RIMBP2: variants seen among roughly 807,000 people sequenced by gnomAD.
RIMBP2 encodes the protein RIMS-binding protein 2.
Under a neutral mutation model 118.6 loss-of-function variants are expected in RIMBP2, and 48 were observed. The ratio of observed to expected loss-of-function variants is 0.40; its 90% CI spans 0.32 to 0.51. RIMBP2 has a LOEUF of 0.51. RIMBP2 is among the 20% of genes least tolerant of loss of function. RIMBP2 has a pLI of 0.41. For missense variants in RIMBP2, 1,551 were observed against 1,768.3 expected, an observed-to-expected ratio of 0.88 and a Z score of 2.20; for synonymous variants, 762 against 742.9, an observed-to-expected ratio of 1.03 and a Z score of -0.42.
chr12:130,520,952 G>T (rs1291942690), intron 2 of RIMBP2, among the ~76,000 whole-genome samples: 1 of 152,204 alleles, frequency 6.6e-6, no homozygotes, highest in Non-Finnish European at 1.5e-5. Flanking sequence ...GCCCAGAGGT[G>T]GGCATGGGGA....
chr12:130,519,055 G>A (rs2051786250), intron 2 of RIMBP2, among the ~76,000 whole-genome samples: 1 of 152,246 alleles, frequency 6.6e-6, no homozygotes, highest in African/African-American at 2.4e-5. Flanking sequence ...CAGCTGTCAG[G>A]CTGAGAACTT....
rs762175825 is a variant in RIMBP2 at position 130,692,850 on chromosome 12, A to ATAGGGTAGGGTAGGG, written c.-352+23357_-352+23371dup. ...ATGGGATGGGATGGGATGGGATGGGATAGGGTAGGGTAGGGTAGGGTAGGG... is the reference window on the plus strand; with the variant it reads ...ATGGGATGGGATGGGATGGGATGGGATAGGGTAGGGTAGGGTAGGGTAGGGTAGGGTAGGGTAGGG... On this transcript the variant is annotated intron_variant, in intron 1 of 22. Coordinates refer to ENST00000690449, the MANE Select transcript of RIMBP2 (RefSeq NM_001393629.1). 2.2e-4 allele frequency among the ~76,000 whole-genome samples: 18 copies of ATAGGGTAGGGTAGGG among 80,952 alleles called. No homozygotes were observed. In the East Asian group the frequency reaches 2.8e-3, roughly 13 times the overall value. The allele number at this position is 80,952 out of a possible 152,430, so 53.1% of individuals were successfully genotyped here. A position where few individuals can be genotyped will look rare whatever the true frequency, so the allele number is the denominator to read the frequency against.
At chr12:130,437,386 G>GC in intron 12 of RIMBP2, 95 bp from the exon 13 acceptor site, 1 of 1,048,668 alleles carries the variant, frequency 9.5e-7, no homozygotes, top group Non-Finnish European at 1.4e-6. Flanking sequence ...GAGGCCAGGT[G>GC]CAAAGGATCA....
chr12:130,481,692 C>T (rs1053385316), intron 4 of RIMBP2, among the ~76,000 whole-genome samples: 9 of 152,232 alleles, frequency 5.9e-5, no homozygotes, highest in African/African-American at 2.2e-4. Context: ...CCAGTTCACT[C>T]TGGGGCCAGA....
chr12:130,414,222 A>T lies in RIMBP2; in HGVS notation c.3323T>A (p.Ile1108Asn). 1 of 1,614,104 alleles carries T rather than the reference A, an allele frequency of 6.2e-7. No individual in the cohort carries two copies. The highest frequency in any genetic ancestry group is 8.5e-7 in the Non-Finnish European group (1 of 1,180,010). ...GTCGTAGTCAAAGAGAGCCACAAAG[A>T]TCCGGGCCGGGAGCTCTTCGGCACC... ...DPGAEELPAR[I>N]FVALFDYDPL... The change falls in exon 18 of 23, where the codon ATC (isoleucine) becomes AAC (asparagine). Residue 1108 changes from isoleucine (I) to asparagine (N), a missense_variant. By Grantham distance (149) the Ile-to-Asn change is moderately radical. Coordinates refer to ENST00000690449, the MANE Select transcript of RIMBP2 (RefSeq NM_001393629.1).
Position 130,526,569 on chromosome 12 carries a change from G to A in RIMBP2, c.-216-8652C>T, listed in dbSNP as rs959571263. 7.9e-5 allele frequency among the ~76,000 whole-genome samples: 12 copies of A among 152,282 alleles called. No individual in the cohort carries two copies. The South Asian group carries it at 2.5e-3, about 32-fold the overall frequency. On this transcript the variant is annotated intron_variant, in intron 2 of 22. Coordinates refer to ENST00000690449, the MANE Select transcript of RIMBP2 (RefSeq NM_001393629.1). ...CGAGTTTGGGTTTTGAATTTTATTG[G>A]TGTCTTAAAGTTGTTTCTCTTTGAT...
At position 130,490,048 on chromosome 12, in the gene RIMBP2, C is replaced by T. The variant is rs150163730; in HGVS notation, c.-3-11032G>A. Among the ~76,000 whole-genome samples, 1,433 of 143,768 alleles carry T rather than the reference C, an allele frequency of 1.0e-2. 20 individuals carry two copies. Among genetic ancestry groups the T allele is most frequent in the African/African-American group, 0.027 (1,045 of 38,194 alleles). 94.3% of individuals were successfully genotyped at this position (143,768 alleles called of 152,430 possible). A position where few individuals can be genotyped will look rare whatever the true frequency, so the allele number is the denominator to read the frequency against. On this transcript the variant is annotated intron_variant, in intron 4 of 22. Coordinates refer to ENST00000690449, the MANE Select transcript of RIMBP2 (RefSeq NM_001393629.1). Reference sequence around the variant, plus strand: ...CTGAGGCAAGAGAATCGCTTGAACCCGGGAGGCGGAGGTTGCAGTGAGCCG... The same window carrying T: ...CTGAGGCAAGAGAATCGCTTGAACCTGGGAGGCGGAGGTTGCAGTGAGCCG...
chr12:130,411,451 A>C (rs541803045), intron 19 of RIMBP2, among the ~76,000 whole-genome samples: 1 of 152,326 alleles, frequency 6.6e-6, no homozygotes, highest in South Asian at 2.1e-4. Context: ...GATCACATTC[A>C]GCCTTTCACC....
intron 4 of RIMBP2, among the ~76,000 whole-genome samples, chr12:130,489,570 G>A (rs1418312947): frequency 6.6e-6 from 1 of 152,052 alleles, no homozygotes; most frequent in African/African-American, 2.4e-5. Flanking sequence ...GTCTCCTGTA[G>A]AGGCTCCATC....
In RIMBP2 at chr12:130,475,837, G is replaced by A. The variant is rs1395589080; in HGVS notation, c.102+3075C>T. The stretch of plus-strand genomic sequence containing the variant: ...TTTACGGAGCTCAAGGAGTTCAGCA[G>A]AAGTGCAGGTGTTGGTGAGGACAGA... On this transcript the variant is annotated intron_variant, in intron 5 of 22. Coordinates refer to ENST00000690449, the MANE Select transcript of RIMBP2 (RefSeq NM_001393629.1). The surrounding 1 kb of genome is among the most constrained non-coding windows in gnomAD (Gnocchi z 4.1). 6.6e-6 allele frequency among the ~76,000 whole-genome samples: 1 copy of A among 152,126 alleles called. No homozygotes were observed. The highest frequency in any genetic ancestry group is 2.4e-5 in the African/African-American group (1 of 41,434).
At chr12:130,476,144 T>C (rs2081404703) in intron 5 of RIMBP2, among the ~76,000 whole-genome samples, 1 of 152,088 alleles carries the variant, frequency 6.6e-6, no homozygotes, top group Non-Finnish European at 1.5e-5. Context: ...GTGGTATCCT[T>C]GGAGGCCATA....
intron 2 of RIMBP2, among the ~76,000 whole-genome samples, chr12:130,594,060 C>T (rs977671066): frequency 2.0e-5 from 3 of 152,208 alleles, no homozygotes; most frequent in Admixed American, 1.3e-4. Flanking sequence ...TTTCCTTTTA[C>T]CCTCCTAACA....
rs2080192761 is a variant in RIMBP2, at chr12:130,463,555, G to T, written c.154-6855C>A. Among the ~76,000 whole-genome samples the T allele has an allele frequency of 2.0e-5, 3 of 152,194 alleles. No individual in the cohort carries two copies. The South Asian group carries it at 6.2e-4, about 31-fold the overall frequency. On this transcript the variant is annotated intron_variant, in intron 6 of 22. Transcript: ENST00000690449. The stretch of plus-strand genomic sequence containing the variant: ...GGCTTCCCGGCCTCTGTGAAGAGGG[G>T]TGATAAGCAGGCGCTGTGCTGGCGG...
chr12:130,567,620 C>A (rs957566981), intron 2 of RIMBP2, among the ~76,000 whole-genome samples: 2 of 152,136 alleles, frequency 1.3e-5, no homozygotes, highest in African/African-American at 4.8e-5. Context: ...TGGGAAGGGG[C>A]AGCAGGTTCC....
At position 130,399,811 on chromosome 12, in the gene RIMBP2, C is replaced by T. The variant is rs2074355344; in HGVS notation, c.3768G>A (p.Gly1256=). ...GEIDEDGFYY[G]ELNGQKGLVP... ...CAAGGCCTTTCTGCCCATTCAGCTC[C>T]CCCTAAAACACCAGGGGTGAGGCAG... The change falls in exon 22 of 23, where the codon GGG becomes GGA. Residue 1256 remains glycine (G), a splice_region_variant and synonymous_variant. Transcript: ENST00000690449. 3.1e-6 allele frequency: 5 copies of T among 1,614,094 alleles called. No homozygotes were observed. Among genetic ancestry groups the T allele is most frequent in the Non-Finnish European group, 4.2e-6 (5 of 1,179,988 alleles).
At chr12:130,480,967 C>T (rs897731272) in intron 4 of RIMBP2, among the ~76,000 whole-genome samples, 4 of 152,218 alleles carry the variant, frequency 2.6e-5, no homozygotes, top group African/African-American at 7.2e-5. Context: ...GTCATGAGGT[C>T]GGACACACGC....
rs1281632322 is a variant in RIMBP2 at position 130,475,048 on chromosome 12, T to C, written c.102+3864A>G. Reference sequence around the variant, plus strand: ...TGAGGTTACCAGCAGACAGCGTGGGTCCTGGCTTGGCTGCCTTTTGCCTTT... The same window carrying C: ...TGAGGTTACCAGCAGACAGCGTGGGCCCTGGCTTGGCTGCCTTTTGCCTTT... On this transcript the variant is annotated intron_variant, in intron 5 of 22. Coordinates refer to ENST00000690449, the MANE Select transcript of RIMBP2 (RefSeq NM_001393629.1). The surrounding 1 kb of genome is among the most constrained non-coding windows in gnomAD (Gnocchi z 4.1). 5.3e-5 allele frequency among the ~76,000 whole-genome samples: 8 copies of C among 152,200 alleles called. No homozygotes were observed. The highest frequency in any genetic ancestry group is 3.9e-4 in the Admixed American group (6 of 15,280).
intron 2 of RIMBP2, among the ~76,000 whole-genome samples, chr12:130,535,580 T>C (rs1390088338): frequency 6.6e-6 from 1 of 151,674 alleles, no homozygotes; most frequent in Non-Finnish European, 1.5e-5. Context: ...TTGCATAGAC[T>C]AACTCATTTA....
chr12:130,559,205 T>C (rs1040356364), intron 2 of RIMBP2, among the ~76,000 whole-genome samples: 1 of 152,180 alleles, frequency 6.6e-6, no homozygotes, highest in Admixed American at 6.5e-5. Context: ...TTTTCAAATA[T>C]ACAAAACATT....
Sources: allele counts gnomAD v4.1 joint callset (sites outside exome capture counted in the v4.1 genomes callset), GRCh38; gene constraint gnomAD v4.1.1; non-coding constraint Gnocchi (gnomAD v3.1); transcripts MANE v1.5; gene names NCBI Gene and HGNC (gene_info 2026-07-23, HGNC 2026-07-21).